The following FGF14 variants were observed in gnomAD, a reference collection of about 807,000 sequenced individuals.
The protein encoded by FGF14 is fibroblast growth factor homologous factor 4.
In FGF14, 5 loss-of-function variants were observed where a neutral mutation model predicts 25.5. The observed-to-expected ratio is 0.20, with a 90% CI of 0.10 to 0.41. The LOEUF (loss-of-function observed/expected upper bound fraction) is 0.41. Ranked by LOEUF, FGF14 falls within the 10% of genes least tolerant of loss-of-function variation. The pLI is 1.00. For synonymous variants in FGF14, 138 were observed against 118.3 expected, an observed-to-expected ratio of 1.17 and a Z score of -1.08; for missense variants, 222 against 320.1, an observed-to-expected ratio of 0.69 and a Z score of 2.34.
intron 1 of FGF14, among the ~76,000 whole-genome samples, chr13:102,161,555 C>G (rs1454013896): frequency 7.3e-6 from 1 of 137,726 alleles, no homozygotes; most frequent in African/African-American, 2.6e-5. Flanking sequence ...TCTATGCAAC[C>G]AACTTTCTGT....
intron 1 of FGF14, among the ~76,000 whole-genome samples, chr13:102,012,454 T>C (rs939594254): frequency 6.6e-6 from 1 of 151,542 alleles, no homozygotes; most frequent in African/African-American, 2.4e-5. Flanking sequence ...ATTTTGTCTG[T>C]GTCTGAAAGG....
At chr13:101,778,994 C>A (rs1191749512) in intron 3 of FGF14, 4 of 152,136 alleles carry the variant, frequency 2.6e-5, no homozygotes, top group African/African-American at 9.7e-5. Context: ...TGGGTAAGCT[C>A]ACCCTGGGAA....
intron 1 of FGF14, among the ~76,000 whole-genome samples, chr13:102,220,199 T>A (rs1033980223): frequency 6.6e-6 from 1 of 152,172 alleles, no homozygotes; most frequent in Non-Finnish European, 1.5e-5. Flanking sequence ...AAGAGAAAAG[T>A]GCTTTTACTT....
intron 1 of FGF14, among the ~76,000 whole-genome samples, chr13:102,252,391 C>T (rs530064890): frequency 4.6e-5 from 7 of 152,270 alleles, no homozygotes; most frequent in Non-Finnish European, 8.8e-5. Context: ...GTAATAATAA[C>T]TTGCTTAACA....
intron 1 of FGF14, among the ~76,000 whole-genome samples, chr13:102,261,048 A>G (rs1168860428): frequency 6.6e-6 from 1 of 152,194 alleles, no homozygotes; most frequent in African/African-American, 2.4e-5. Context: ...TGAAAAGTGA[A>G]TAACTGAAAT....
chr13:102,246,951 C>A (rs1006365549), intron 1 of FGF14, among the ~76,000 whole-genome samples: 1 of 152,028 alleles, frequency 6.6e-6, no homozygotes, highest in Non-Finnish European at 1.5e-5. Flanking sequence ...CTACAACCAT[C>A]TGATCTTCAA....
intron 3 of FGF14, among the ~76,000 whole-genome samples, chr13:101,741,386 G>T (rs1290814985): frequency 3.9e-5 from 6 of 152,212 alleles, no homozygotes; most frequent in Middle Eastern, 3.4e-3. Flanking sequence ...ACTATAGTAG[G>T]AGACTATCAG....
Position 101,847,287 on chromosome 13 carries a change from T to C in FGF14, c.408+21438A>G, listed in dbSNP as rs116315725. 8.0e-3 allele frequency among the ~76,000 whole-genome samples: 1,220 copies of C among 152,134 alleles called. 10 individuals are homozygous for C. The highest frequency in any genetic ancestry group is 0.027 in the African/African-American group (1,127 of 41,536). ...CACTGTCAGTGATCACTGCCTCTGATTGAAGGCAGCTGAATGCCTATCAAC... is the reference window on the plus strand; with the variant it reads ...CACTGTCAGTGATCACTGCCTCTGACTGAAGGCAGCTGAATGCCTATCAAC... On this transcript the variant is annotated intron_variant, in intron 3 of 4. Transcript: ENST00000376143.
At chr13:102,363,173 C>T (rs1287430174) in intron 1 of FGF14, among the ~76,000 whole-genome samples, 1 of 152,114 alleles carries the variant, frequency 6.6e-6, no homozygotes, top group Non-Finnish European at 1.5e-5. Flanking sequence ...TGTAATTTTG[C>T]ACCAATCACA....
At chr13:102,016,112 C>T (rs1469132773) in intron 1 of FGF14, among the ~76,000 whole-genome samples, 1 of 151,882 alleles carries the variant, frequency 6.6e-6, no homozygotes, top group African/African-American at 2.4e-5. Flanking sequence ...CAATATACGC[C>T]AAAGCATCAT....
At chr13:102,248,922 C>T (rs1348233906) in intron 1 of FGF14, among the ~76,000 whole-genome samples, 1 of 151,994 alleles carries the variant, frequency 6.6e-6, no homozygotes, top group East Asian at 1.9e-4. Flanking sequence ...AGGAGGAGTC[C>T]AAACCCCAAA....
chr13:102,267,954 C>CA lies in FGF14; in HGVS notation c.208+133516dup, dbSNP rs202149885. ...GATGTTTTTCATGCCTCAAAAAATA[C>CA]AAAAAAAAAGAGTACATTCAATTTA... On this transcript the variant is annotated intron_variant, in intron 1 of 4. Coordinates refer to the FGF14 transcript ENST00000376131. 8.4e-3 allele frequency among the ~76,000 whole-genome samples: 1,231 copies of CA among 145,806 alleles called. 16 individuals carry two copies. Among genetic ancestry groups the CA allele is most frequent in the African/African-American group, 0.029 (1,149 of 39,714 alleles).
At chr13:101,954,070 G>T (rs939319857) in intron 1 of FGF14, among the ~76,000 whole-genome samples, 70 of 152,278 alleles carry the variant, frequency 4.6e-4, no homozygotes, top group African/African-American at 1.7e-3. Context: ...ACAGAAAACT[G>T]TCCTTCTAAA....
intron 1 of FGF14, among the ~76,000 whole-genome samples, chr13:102,193,526 G>C (rs1220199246): frequency 6.6e-6 from 1 of 152,112 alleles, no homozygotes; most frequent in Non-Finnish European, 1.5e-5. Flanking sequence ...TGAGCAAGCA[G>C]GACATTAATG....
In FGF14 at chr13:101,820,850, T is replaced by C. The variant is rs899542762; in HGVS notation, c.408+47875A>G. Among the ~76,000 whole-genome samples the C allele has an allele frequency of 4.6e-5, 6 of 130,656 alleles. 1 individual carries two copies. Among genetic ancestry groups the C allele is most frequent in the Admixed American group, 3.8e-4 (5 of 13,010 alleles). The allele number at this position is 130,656 out of a possible 152,430, so 85.7% of individuals were successfully genotyped here. Reference sequence around the variant, plus strand: ...CACACACAGATACCAGATCAATAAATAGAACATTTTTAGCACTGGAGATAC... The same window carrying C: ...CACACACAGATACCAGATCAATAAACAGAACATTTTTAGCACTGGAGATAC... On this transcript the variant is annotated intron_variant, in intron 3 of 4. Coordinates refer to ENST00000376143, the MANE Select transcript of FGF14 (RefSeq NM_004115.4).
chr13:101,968,693 T>G (rs867507495), intron 1 of FGF14, among the ~76,000 whole-genome samples: 1 of 123,638 alleles, frequency 8.1e-6, no homozygotes, highest in Admixed American at 8.7e-5. Context: ...AAAAAAAACC[T>G]CAATATCAAT....
Position 101,715,517 on chromosome 13 carries a change from G to A in FGF14, c.*7314C>T, listed in dbSNP as rs2034677877. 2 of 1,302,832 alleles carry A rather than the reference G, an allele frequency of 1.5e-6. No individual in the cohort carries two copies. The highest frequency in any genetic ancestry group is 2.4e-5 in the South Asian group (2 of 84,162). The allele number at this position is 1,302,832 out of a possible 1,614,324, so 80.7% of individuals were successfully genotyped here. A position where few individuals can be genotyped will look rare whatever the true frequency, so the allele number is the denominator to read the frequency against. ...ATTTATAATAGCATGTTTAAATTTG[G>A]CACATTTTGATCATAATCATGATAC... On this transcript the variant is annotated 3_prime_UTR_variant, in exon 5 of 5. Coordinates refer to ENST00000376143, the MANE Select transcript of FGF14 (RefSeq NM_004115.4).
intron 1 of FGF14, among the ~76,000 whole-genome samples, chr13:102,001,800 A>G (rs2039511257): frequency 6.6e-6 from 1 of 152,172 alleles, no homozygotes; most frequent in Non-Finnish European, 1.5e-5. Context: ...ATAAAGAATA[A>G]AGAGAAGAGC....
At chr13:102,398,925 T>C (rs2058641467) in intron 1 of FGF14, among the ~76,000 whole-genome samples, 1 of 149,600 alleles carries the variant, frequency 6.7e-6, no homozygotes, top group Non-Finnish European at 1.5e-5. Context: ...ATGCTCCAAC[T>C]CCCTGGTTGG....
Sources: allele counts gnomAD v4.1 joint callset (sites outside exome capture counted in the v4.1 genomes callset), GRCh38; gene constraint gnomAD v4.1.1; transcripts MANE v1.5; gene names NCBI Gene and HGNC (gene_info 2026-07-23, HGNC 2026-07-21).